TPR: variants seen among roughly 807,000 people sequenced by gnomAD.
The protein encoded by TPR is nucleoprotein TPR.
In TPR, 51 loss-of-function variants were observed where a neutral mutation model predicts 316.1. The ratio of observed to expected loss-of-function variants is 0.16; its 90% CI spans 0.13 to 0.20. The LOEUF is 0.20. Among genes scored for constraint, TPR ranks in the 10% least tolerant of loss-of-function variants. The probability of loss-of-function intolerance (pLI) is 1.00; values close to 1 mark genes in which losing one functional copy is unlikely to be tolerated. For missense variants in TPR, 2,272 were observed against 2,754.8 expected, an observed-to-expected ratio of 0.82 and a Z score of 3.92; for synonymous variants, 981 against 914.7, an observed-to-expected ratio of 1.07 and a Z score of -1.31.
At position 186,371,043 on chromosome 1, in the gene TPR, T is replaced by C. The variant is rs750691290; in HGVS notation, c.257A>G (p.Asn86Ser). 4 of 1,612,648 alleles carry C rather than the reference T, an allele frequency of 2.5e-6. No individual in the cohort carries two copies. The highest frequency in any genetic ancestry group is 1.1e-5 in the South Asian group (1 of 91,032). The change falls in exon 3 of 51, where the codon AAC (asparagine) becomes AGC (serine). Residue 86 changes from asparagine to serine, a missense_variant and splice_region_variant. By Grantham distance (46) the Asn-to-Ser change is conservative. Coordinates refer to ENST00000367478, the MANE Select transcript of TPR (RefSeq NM_003292.3). ...QSLRLELEKL[N>S]NQLKALTEKN... ...CTCAGTTAGTGCCTTCAGTTGATTGTCTGGATAAAAGGAATTTTATGAATA... is the reference window on the plus strand; with the variant it reads ...CTCAGTTAGTGCCTTCAGTTGATTGCCTGGATAAAAGGAATTTTATGAATA...
intron 45 of TPR, among the ~76,000 whole-genome samples, chr1:186,321,464 G>A (rs1657774838): frequency 6.6e-6 from 1 of 152,160 alleles, no homozygotes; most frequent in East Asian, 1.9e-4. Context: ...AGACTAACTG[G>A]TTTGAAACTA....
intron 27 of TPR, chr1:186,342,488 C>T (rs1177313615): frequency 6.6e-6 from 1 of 152,192 alleles, no homozygotes; most frequent in African/African-American, 2.4e-5. Flanking sequence ...CAAGTATTAA[C>T]TCTATTGAAC....
chr1:186,331,657 C>CA (rs919950649), intron 38 of TPR, 76 bp from the exon 39 acceptor site: 1 of 962,750 alleles, frequency 1.0e-6, no homozygotes, highest in African/African-American at 1.7e-5. Context: ...TTAGTTCTCT[C>CA]ATTTGAAAAA....
intron 1 of TPR, 140 bp from the exon 2 acceptor site, chr1:186,373,603 A>T: frequency 2.0e-6 from 1 of 497,374 alleles, no homozygotes; most frequent in Non-Finnish European, 3.5e-6. Context: ...AGAGAATCTG[A>T]GTAAAGATAA....
chr1:186,326,854 CAATT>C (rs972449018), intron 40 of TPR, among the ~76,000 whole-genome samples: 8 of 146,332 alleles, frequency 5.5e-5, no homozygotes, highest in African/African-American at 1.8e-4. Context: ...AAAGACTCAT[CAATT>C]GTCAAAAAAA....
At chr1:186,356,567 C>A in intron 14 of TPR, 118 bp from the exon 15 acceptor site, 1 of 1,011,164 alleles carries the variant, frequency 9.9e-7, no homozygotes, top group Non-Finnish European at 1.4e-6. Context: ...TTGTCTCTCT[C>A]ATTATTTTTT....
At chr1:186,336,794 A>C (rs1236560873) in intron 32 of TPR, 100 bp from the exon 33 acceptor site, 12 of 1,387,090 alleles carry the variant, frequency 8.7e-6, no homozygotes, top group Non-Finnish European at 1.1e-5. Flanking sequence ...TTGCTTTTTA[A>C]AAGATTAAAT....
At chr1:186,330,618 ACT>A (rs1300966580) in intron 39 of TPR, among the ~76,000 whole-genome samples, 1 of 151,654 alleles carries the variant, frequency 6.6e-6, no homozygotes, top group Non-Finnish European at 1.5e-5. Context: ...AATATGCATG[ACT>A]CTATTGTGTA....
chr1:186,343,288 GA>G, intron 27 of TPR, 37 bp downstream of exon 27: 1 of 1,585,622 alleles, frequency 6.3e-7, no homozygotes, highest in Non-Finnish European at 8.5e-7. Context: ...CTTCTCTTTT[GA>G]TTTAACAAGT....
At chr1:186,358,239 AC>A (rs1659084927) in intron 13 of TPR, among the ~76,000 whole-genome samples, 2 of 152,330 alleles carry the variant, frequency 1.3e-5, no homozygotes, top group African/African-American at 4.8e-5. Context: ...CTGTCTGTTA[AC>A]TTAGCTACAC....
chr1:186,350,275 G>A lies in TPR; in HGVS notation c.2724C>T (p.Leu908=). 6.2e-7 allele frequency: 1 copy of A among 1,613,644 alleles called. No individual in the cohort carries two copies. Among genetic ancestry groups the A allele is most frequent in the Non-Finnish European group, 8.5e-7 (1 of 1,179,870 alleles). ...AAGCAACTTGGACTTCCATATTACT[G>A]AGGTGCTGTTTCAATGTGGCAATTT... is the stretch of plus-strand genomic sequence containing the variant. ...QKEIATLKQH[L]SNMEVQVASQ... is the part of the protein sequence containing the mutation. Residue 908 remains leucine, a synonymous_variant, in exon 21 of 51, where the codon CTC becomes CTT. Coordinates refer to ENST00000367478, the MANE Select transcript of TPR (RefSeq NM_003292.3).
intron 4 of TPR, among the ~76,000 whole-genome samples, chr1:186,366,903 A>G (rs1247778044): frequency 6.6e-6 from 1 of 151,900 alleles, no homozygotes; most frequent in Admixed American, 6.6e-5. Context: ...TTGTTGATCA[A>G]CACACTCAAG....
chr1:186,373,714 T>A (rs888968370), intron 1 of TPR, among the ~76,000 whole-genome samples: 1 of 152,308 alleles, frequency 6.6e-6, no homozygotes, highest in East Asian at 1.9e-4. Context: ...TACAAATCAA[T>A]GTCTTCAAGG....
chr1:186,364,368 T>C (rs1471750404), intron 4 of TPR, among the ~76,000 whole-genome samples: 3 of 151,108 alleles, frequency 2.0e-5, no homozygotes, highest in Non-Finnish European at 2.9e-5. Context: ...GAATCCAGTA[T>C]ATGGACCGTT....
chr1:186,312,333 A>G lies in TPR; in HGVS notation c.*1638T>C. 1 of 1,609,914 alleles carries G rather than the reference A, an allele frequency of 6.2e-7. No homozygotes were observed. The highest frequency in any genetic ancestry group is 8.5e-7 in the Non-Finnish European group (1 of 1,178,592). ...ACCTTCTCAAACACACACCATCAGA[A>G]TTCAATATTCACCTGCCAGACTGGC... On this transcript the variant is annotated 3_prime_UTR_variant, in exon 51 of 51. Coordinates refer to ENST00000367478, the MANE Select transcript of TPR (RefSeq NM_003292.3).
intron 20 of TPR, 99 bp downstream of exon 20, chr1:186,351,231 T>C (rs563948228): frequency 7.3e-7 from 1 of 1,372,250 alleles, no homozygotes; most frequent in South Asian, 1.9e-5. Context: ...ACAAAGTTTT[T>C]CAAAATCATG....
At chr1:186,353,621 A>G (rs1470834971) in intron 18 of TPR, 67 bp downstream of exon 18, 1 of 1,544,594 alleles carries the variant, frequency 6.5e-7, no homozygotes, top group African/African-American at 1.4e-5. Context: ...GTAAAATTCA[A>G]AGTAAAAACT....
At chr1:186,335,272 C>T in intron 34 of TPR, 66 bp downstream of exon 34, 1 of 1,583,238 alleles carries the variant, frequency 6.3e-7, no homozygotes, top group Non-Finnish European at 8.6e-7. Context: ...CCTATATCAC[C>T]AAGCACTTTC....
At chr1:186,332,504 C>T (rs932535287) in intron 37 of TPR, among the ~76,000 whole-genome samples, 161 bp from the exon 38 acceptor site, 1 of 152,088 alleles carries the variant, frequency 6.6e-6, no homozygotes, top group African/African-American at 2.4e-5. Context: ...CAATGTCCAT[C>T]AACATAATTT....
Sources: allele counts gnomAD v4.1 joint callset (sites outside exome capture counted in the v4.1 genomes callset), GRCh38; gene constraint gnomAD v4.1.1; transcripts MANE v1.5; gene names NCBI Gene and HGNC (gene_info 2026-07-23, HGNC 2026-07-21).